The following RAP1GAP2 variants were observed in gnomAD, a reference collection of about 807,000 sequenced individuals.
RAP1GAP2 encodes the protein rap1 GTPase-activating protein 2.
In RAP1GAP2, 27 loss-of-function variants were observed where a neutral mutation model predicts 95.0. The observed-to-expected ratio is 0.28, with a 90% confidence interval of 0.21 to 0.39. The LOEUF (loss-of-function observed/expected upper bound fraction) is 0.39, where lower values mean the gene tolerates loss of function less well. Among genes scored for constraint, RAP1GAP2 ranks in the 10% least tolerant of loss-of-function variants. RAP1GAP2 has a pLI of 1.00. For missense variants in RAP1GAP2, 771 were observed against 970.0 expected (o/e 0.79, Z 2.72); for synonymous variants, 373 against 380.9 (o/e 0.98, Z 0.24).
chr17:2,791,857 CTTTT>C (rs530185952), upstream of RAP1GAP2, among the ~76,000 whole-genome samples: 69 of 136,020 alleles, frequency 5.1e-4, no homozygotes, highest in African/African-American at 1.8e-3. Context: ...CCTTTTCTCT[CTTTT>C]TTTTTTTTTT....
At chr17:2,994,492 G>A (rs1406283158) in intron 12 of RAP1GAP2, among the ~76,000 whole-genome samples, 5 of 152,160 alleles carry the variant, frequency 3.3e-5, no homozygotes, top group Non-Finnish European at 1.5e-5. Context: ...ACTCCCAAGC[G>A]GGATGCTGCA....
chr17:2,845,907 G>C lies in RAP1GAP2; in HGVS notation c.80+45357G>C, dbSNP rs188497485. Among the ~76,000 whole-genome samples, 14 of 151,984 alleles carry C rather than the reference G, an allele frequency of 9.2e-5. No homozygotes were observed. The East Asian group carries it at 2.7e-3, about 29-fold the overall frequency. On this transcript the variant is annotated intron_variant, in intron 2 of 24. Transcript: ENST00000254695. ...ATAAAATAAAATTTCTTATCAGCCGGGTGTGGTGGCTCACGCCTGTAATTC... is the reference window on the plus strand; with the variant it reads ...ATAAAATAAAATTTCTTATCAGCCGCGTGTGGTGGCTCACGCCTGTAATTC...
At position 2,801,594 on chromosome 17, in the gene RAP1GAP2, G is replaced by GGT. The variant is rs1482014787; in HGVS notation, c.80+1045_80+1046dup. ...ACTAGGACCTGACTAAACACTCCAG[G>GGT]GTATGTGTGTGTGTGTGTGTGTGTG... On this transcript the variant is annotated intron_variant, in intron 2 of 24. Coordinates refer to ENST00000254695, the MANE Select transcript of RAP1GAP2 (RefSeq NM_015085.5). Among the ~76,000 whole-genome samples, 58 of 126,044 alleles carry GGT rather than the reference G, an allele frequency of 4.6e-4. 2 individuals carry two copies. The highest frequency in any genetic ancestry group is 1.4e-3 in the African/African-American group (45 of 32,162). The allele number at this position is 126,044 out of a possible 152,430, so 82.7% of individuals were successfully genotyped here. A position where few individuals can be genotyped will look rare whatever the true frequency, so the allele number is the denominator to read the frequency against.
intron 2 of RAP1GAP2, among the ~76,000 whole-genome samples, chr17:2,812,361 C>G (rs938344437): frequency 6.6e-6 from 1 of 152,148 alleles, no homozygotes; most frequent in Non-Finnish European, 1.5e-5. Flanking sequence ...TCCTGTCTCC[C>G]GGTTCAGGCC....
At chr17:2,806,098 T>C (rs2069504381) in intron 2 of RAP1GAP2, among the ~76,000 whole-genome samples, 2 of 152,324 alleles carry the variant, frequency 1.3e-5, no homozygotes, top group South Asian at 2.1e-4. Context: ...GGGGAGGGCC[T>C]GGAGGAGCTC....
At position 2,904,235 on chromosome 17, in the gene RAP1GAP2, C is replaced by G. The variant is rs541786377; in HGVS notation, c.81-1049C>G. Among the ~76,000 whole-genome samples, 1 of 152,290 alleles carries G rather than the reference C, an allele frequency of 6.6e-6. No individual in the cohort carries two copies. The highest frequency in any genetic ancestry group is 1.5e-5 in the Non-Finnish European group (1 of 68,024). On this transcript the variant is annotated intron_variant, in intron 2 of 24. Coordinates refer to ENST00000254695, the MANE Select transcript of RAP1GAP2 (RefSeq NM_015085.5). The surrounding 1 kb of genome is among the most constrained non-coding windows in gnomAD (Gnocchi z 4.7). ...CTGGAGTCCCTCACCCGGGAATTCC[C>G]CAGGCTCTGCCCAGCTGGCCCTGTT...
At chr17:2,925,766 C>T (rs2042935951) in intron 3 of RAP1GAP2, among the ~76,000 whole-genome samples, 1 of 152,140 alleles carries the variant, frequency 6.6e-6, no homozygotes, top group African/African-American at 2.4e-5. Flanking sequence ...GCCAGCAGCC[C>T]TGGTCAGATC....
At position 2,784,340 on chromosome 17, in the gene RAP1GAP2, G is replaced by A. The variant is rs560565600; in HGVS notation, c.-14+7062G>A. 3.0e-4 allele frequency among the ~76,000 whole-genome samples: 46 copies of A among 151,814 alleles called. No individual in the cohort carries two copies. In the Middle Eastern group the frequency reaches 0.01, roughly 34 times the overall value. Reference sequence around the variant, plus strand: ...GGCTGGAGTACAGTGGCGTGATCTCGGCTCACTGCGACCTCCATCTCCCGG... The same window carrying A: ...GGCTGGAGTACAGTGGCGTGATCTCAGCTCACTGCGACCTCCATCTCCCGG... On this transcript the variant is annotated intron_variant, in intron 1 of 24. Transcript: ENST00000540393.
chr17:2,994,896 C>T (rs2045900624), intron 12 of RAP1GAP2, among the ~76,000 whole-genome samples: 1 of 152,192 alleles, frequency 6.6e-6, no homozygotes, highest in African/African-American at 2.4e-5. Context: ...TCACTGCAAC[C>T]TCCACCTCCT....
At chr17:2,836,677 C>G (rs2071144817) in intron 2 of RAP1GAP2, among the ~76,000 whole-genome samples, 1 of 152,008 alleles carries the variant, frequency 6.6e-6, no homozygotes, top group South Asian at 2.1e-4. Context: ...AAACTGGCTT[C>G]AGGTCCAGCT....
At chr17:2,826,737 G>A (rs1388075021) in intron 2 of RAP1GAP2, among the ~76,000 whole-genome samples, 2 of 152,206 alleles carry the variant, frequency 1.3e-5, no homozygotes, top group Non-Finnish European at 2.9e-5. Context: ...GCCGGGCGCG[G>A]TGGCTCACGC....
chr17:2,847,433 C>T (rs1026842754), intron 2 of RAP1GAP2, among the ~76,000 whole-genome samples: 29 of 152,140 alleles, frequency 1.9e-4, no homozygotes, highest in South Asian at 2.1e-4. Context: ...AAGCCCTAGT[C>T]GCCTGGAAAT....
At chr17:2,774,469 C>T (rs1423108992), upstream of RAP1GAP2, among the ~76,000 whole-genome samples, 1 of 140,470 alleles carries the variant, frequency 7.1e-6, no homozygotes, top group Admixed American at 8.0e-5. Flanking sequence ...GGGCTGGTCA[C>T]CCCTGCTATC....
Position 3,005,925 on chromosome 17 carries a change from C to G in RAP1GAP2, c.1273-30C>G. The G allele has an allele frequency of 6.3e-7, 1 of 1,597,676 alleles. No individual in the cohort carries two copies. The highest frequency in any genetic ancestry group is 8.6e-7 in the Non-Finnish European group (1 of 1,165,196). ...ACCTTCTGGCAACAGCCGAGAGTGA[C>G]AGACCTGAGGTCCGTCTTGTCTCTT... On this transcript the variant is annotated intron_variant, in intron 15 of 24. Coordinates refer to ENST00000254695, the MANE Select transcript of RAP1GAP2 (RefSeq NM_015085.5). This position sits in a 1 kb window ranked among gnomAD's most constrained non-coding sequence, Gnocchi z 5.2.
rs1436753205 is a variant in RAP1GAP2 at position 2,801,594 on chromosome 17, GGTATGTGTGTGTGTGTGT to G, written c.80+1047_80+1064del. Among the ~76,000 whole-genome samples the G allele has an allele frequency of 3.6e-4, 45 of 126,034 alleles. 1 individual carries two copies. The highest frequency in any genetic ancestry group is 2.2e-3 in the East Asian group (10 of 4,468). 82.7% of individuals were successfully genotyped at this position (126,034 alleles called of 152,430 possible). ...ACTAGGACCTGACTAAACACTCCAG[GGTATGTGTGTGTGTGTGT>G]GTGTGTGTGTGTGTGTGTGTGTGTG... On this transcript the variant is annotated intron_variant, in intron 2 of 24. Coordinates refer to ENST00000254695, the MANE Select transcript of RAP1GAP2 (RefSeq NM_015085.5).
intron 4 of RAP1GAP2, among the ~76,000 whole-genome samples, chr17:2,959,811 G>A (rs1054761169): frequency 3.3e-5 from 5 of 152,120 alleles, no homozygotes; most frequent in African/African-American, 1.2e-4. Context: ...CTTCACTGAG[G>A]GGAGAAGGGG....
At chr17:2,862,996 CAAAAAAAAAAAAAAA>C (rs1164520490) in intron 2 of RAP1GAP2, among the ~76,000 whole-genome samples, 1 of 49,018 alleles carries the variant, frequency 2.0e-5, no homozygotes, top group Admixed American at 2.4e-4. Flanking sequence ...GACTCTGTCT[CAAAAAAAAAAAAAAA>C]AAAAAAAAAA....
At chr17:2,883,556 C>T (rs1200041399) in intron 2 of RAP1GAP2, among the ~76,000 whole-genome samples, 2 of 152,212 alleles carry the variant, frequency 1.3e-5, no homozygotes, top group Non-Finnish European at 2.9e-5. Context: ...TCCTCTCTCT[C>T]TCCCTCATTT....
intron 2 of RAP1GAP2, among the ~76,000 whole-genome samples, chr17:2,818,396 C>A (rs1379931000): frequency 1.3e-5 from 2 of 151,530 alleles, no homozygotes; most frequent in African/African-American, 4.8e-5. Flanking sequence ...GCGATCTTGG[C>A]TCACTGCAAC....
Sources: gnomAD v4.1 joint callset for allele counts (sites outside exome capture counted in the v4.1 genomes callset) on GRCh38, gnomAD v4.1.1 for gene constraint, Gnocchi (gnomAD v3.1) non-coding constraint, MANE v1.5 for transcripts, NCBI Gene and HGNC (gene_info 2026-07-23, HGNC 2026-07-21) for gene names.